KPNA1: variants seen among roughly 807,000 people sequenced by gnomAD.
The protein encoded by KPNA1 is importin subunit alpha-5.
Under a neutral mutation model 70.5 loss-of-function variants are expected in KPNA1, and 10 were observed. The observed-to-expected ratio is 0.14, with a 90% CI of 0.09 to 0.24. The LOEUF (loss-of-function observed/expected upper bound fraction) is 0.24, where lower values mean the gene tolerates loss of function less well. KPNA1 is among the 10% of genes least tolerant of loss of function. KPNA1 has a pLI of 1.00. For missense variants in KPNA1, 397 were observed against 637.9 expected (o/e 0.62, Z 4.07); for synonymous variants, 192 against 221.9 (o/e 0.87, Z 1.20).
chr3:122,498,450 C>T (rs1286142220), intron 1 of KPNA1, among the ~76,000 whole-genome samples: 1 of 152,210 alleles, frequency 6.6e-6, no homozygotes, highest in Non-Finnish European at 1.5e-5. Context: ...GCATCCAGAA[C>T]TGTGAGAAAC....
intron 5 of KPNA1, among the ~76,000 whole-genome samples, chr3:122,455,032 C>T (rs1006601061): frequency 3.3e-5 from 5 of 152,060 alleles, no homozygotes; most frequent in Non-Finnish European, 5.9e-5. Context: ...AAAGCACATA[C>T]ACAGAAAAAA....
intron 2 of KPNA1, among the ~76,000 whole-genome samples, chr3:122,485,043 G>A (rs1444268081): frequency 2.0e-5 from 3 of 152,052 alleles, no homozygotes; most frequent in African/African-American, 7.2e-5. Context: ...GACTATAGGT[G>A]CATGCTAATT....
At chr3:122,437,680 A>G (rs1178737078) in intron 10 of KPNA1, among the ~76,000 whole-genome samples, 3 of 152,220 alleles carry the variant, frequency 2.0e-5, no homozygotes, top group East Asian at 1.9e-4. Flanking sequence ...TTGGTAGTCA[A>G]TGAACGAATA....
Position 122,426,524 on chromosome 3 carries a change from GAA to G in KPNA1, c.*459_*460del, listed in dbSNP as rs2075824829. 1 of 153,298 alleles carries G rather than the reference GAA, an allele frequency of 6.5e-6. No homozygotes were observed. The highest frequency in any genetic ancestry group is 6.5e-5 in the Admixed American group (1 of 15,342). The allele number at this position is 153,298 out of a possible 1,614,324, so 9.5% of individuals were successfully genotyped here. ...TGGAAGAACTCATGAAAAGTACTCTGAAGTATACACAACAGGTCTAAACATCT... is the reference window on the plus strand; with the variant it reads ...TGGAAGAACTCATGAAAAGTACTCTGGTATACACAACAGGTCTAAACATCT... On this transcript the variant is annotated 3_prime_UTR_variant, in exon 14 of 14. Coordinates refer to ENST00000344337, the MANE Select transcript of KPNA1 (RefSeq NM_002264.4).
intron 9 of KPNA1, among the ~76,000 whole-genome samples, chr3:122,449,112 T>TA (rs2076171922): frequency 6.6e-6 from 1 of 152,254 alleles, no homozygotes; most frequent in Non-Finnish European, 1.5e-5. Flanking sequence ...ATTTGATTAA[T>TA]ACAGTCTCAA....
chr3:122,452,473 C>T (rs1035409022), intron 6 of KPNA1, among the ~76,000 whole-genome samples: 2 of 143,002 alleles, frequency 1.4e-5, no homozygotes, highest in Non-Finnish European at 3.0e-5. Context: ...TGAGCCAATG[C>T]ACTCCAGCCT....
chr3:122,433,920 T>C, intron 11 of KPNA1, 132 bp from the exon 12 acceptor site: 1 of 715,246 alleles, frequency 1.4e-6, no homozygotes, highest in Non-Finnish European at 2.2e-6. Context: ...TGAAAAGAGT[T>C]ATGTCATTAT....
intron 5 of KPNA1, chr3:122,459,412 C>T (rs1450556656): frequency 2.0e-6 from 2 of 984,978 alleles, no homozygotes; most frequent in Non-Finnish European, 2.4e-6. Context: ...ACACTTTTTT[C>T]AGCATGAACA....
chr3:122,449,391 T>C (rs1192326690), intron 9 of KPNA1, among the ~76,000 whole-genome samples, 183 bp downstream of exon 9: 1 of 152,192 alleles, frequency 6.6e-6, no homozygotes, highest in Non-Finnish European at 1.5e-5. Context: ...TAAGAGGTTC[T>C]CTATAAGCCT....
chr3:122,487,078 A>T (rs968538406), intron 2 of KPNA1, among the ~76,000 whole-genome samples: 2 of 152,208 alleles, frequency 1.3e-5, no homozygotes, highest in Non-Finnish European at 2.9e-5. Flanking sequence ...TATAAAAGTA[A>T]TGGATCTAGG....
chr3:122,438,238 G>A (rs1405326862), intron 10 of KPNA1, among the ~76,000 whole-genome samples: 2 of 152,130 alleles, frequency 1.3e-5, no homozygotes, highest in Non-Finnish European at 2.9e-5. Context: ...AGACAAGCCT[G>A]CTTTCTCTTC....
At chr3:122,453,738 T>C (rs576987369) in intron 6 of KPNA1, 132 bp downstream of exon 6, 82 of 701,170 alleles carry the variant, frequency 1.2e-4, no homozygotes, top group African/African-American at 1.2e-3. Flanking sequence ...GATTTCACCA[T>C]GTTGGCTAGG....
chr3:122,453,785 C>A, intron 6 of KPNA1, 85 bp downstream of exon 6: 1 of 1,338,502 alleles, frequency 7.5e-7, no homozygotes, highest in Admixed American at 2.4e-5. Flanking sequence ...CCACCTTGGC[C>A]TCCCAAAATG....
In KPNA1 at chr3:122,442,116, C is replaced by T. The variant is rs1374849017; in HGVS notation, c.918G>A (p.Met306Ile). The change falls in exon 10 of 14, where the codon ATG becomes ATA. Residue 306 changes from methionine (M) to isoleucine (I), a missense_variant and splice_region_variant. Coordinates refer to ENST00000344337, the MANE Select transcript of KPNA1 (RefSeq NM_002264.4). ...GVCRRLVELLMHNDYKVVSPA... is the reference protein window; with the variant it reads ...GVCRRLVELLIHNDYKVVSPA... ...GAGAAACCACTTTATAATCATTATG[C>T]CTGCAAAAACAAAAAGTAATGTTAT... The T allele has an allele frequency of 6.2e-7, 1 of 1,609,118 alleles. No homozygotes were observed. The highest frequency in any genetic ancestry group is 1.3e-5 in the African/African-American group (1 of 74,794).
chr3:122,438,592 G>A (rs2076021051), intron 10 of KPNA1, among the ~76,000 whole-genome samples: 1 of 151,722 alleles, frequency 6.6e-6, no homozygotes, highest in South Asian at 2.1e-4. Context: ...CTCCATGTTG[G>A]TCAGGCTGGT....
rs1031949187 is a variant in KPNA1 at position 122,449,752 on chromosome 3, T to C, written c.754-15A>G. Reference sequence around the variant, plus strand: ...CATGGAGAAACCTGTAAAAGGAAAATGATGATTATGAAATTCAATAGACTA... The same window carrying C: ...CATGGAGAAACCTGTAAAAGGAAAACGATGATTATGAAATTCAATAGACTA... On this transcript the variant is annotated splice_polypyrimidine_tract_variant and intron_variant, in intron 8 of 13. Transcript: ENST00000344337. The C allele has an allele frequency of 3.8e-6, 6 of 1,595,876 alleles. No individual in the cohort carries two copies. The highest frequency in any genetic ancestry group is 5.1e-6 in the Non-Finnish European group (6 of 1,172,666).
chr3:122,445,919 CAAAG>C (rs1160893013), intron 9 of KPNA1, among the ~76,000 whole-genome samples: 1 of 152,022 alleles, frequency 6.6e-6, no homozygotes, highest in Non-Finnish European at 1.5e-5. Flanking sequence ...TCAAAAGAGA[CAAAG>C]AAAGCCATTA....
At chr3:122,437,039 C>CA (rs1264051994) in intron 11 of KPNA1, 131 bp downstream of exon 11, 5 of 843,308 alleles carry the variant, frequency 5.9e-6, no homozygotes, top group Non-Finnish European at 9.3e-6. Context: ...CTCAGCCTCC[C>CA]AGAGTGCTGG....
intron 5 of KPNA1, chr3:122,457,866 A>G: frequency 3.9e-6 from 5 of 1,288,090 alleles, no homozygotes; most frequent in Non-Finnish European, 5.1e-6. Flanking sequence ...GCAAGTGAAA[A>G]GAAAGGCTCA....
Sources: gnomAD v4.1 joint callset for allele counts (sites outside exome capture counted in the v4.1 genomes callset) on GRCh38, gnomAD v4.1.1 for gene constraint, MANE v1.5 for transcripts, NCBI Gene and HGNC (gene_info 2026-07-23, HGNC 2026-07-21) for gene names.